Variants in LGR6 observed in about 807,000 individuals in gnomAD.
LGR6 encodes leucine-rich repeat-containing G protein-coupled receptor 6.
LGR6 carries 45 observed loss-of-function variants against 69.4 expected under a neutral mutation model. The ratio of observed to expected loss-of-function variants is 0.65; its 90% CI spans 0.51 to 0.83. The LOEUF is 0.83. LGR6 is among the 40% of genes least tolerant of loss of function. The pLI is 0.00. For synonymous variants in LGR6, 538 were observed against 555.0 expected, an observed-to-expected ratio of 0.97 and a Z score of 0.43; for missense variants, 1,108 against 1,246.7, an observed-to-expected ratio of 0.89 and a Z score of 1.68.
intron 1 of LGR6, chr1:202,203,894 C>G (rs757767364): frequency 2.3e-5 from 36 of 1,579,780 alleles, no homozygotes; most frequent in Non-Finnish European, 3.0e-5. Flanking sequence ...TTGCATGAAG[C>G]AAGATCCTCC....
At chr1:202,254,890 CTG>C (rs1558039688) in intron 4 of LGR6, among the ~76,000 whole-genome samples, 1 of 125,088 alleles carries the variant, frequency 8.0e-6, no homozygotes, top group Non-Finnish European at 1.7e-5. Context: ...AGTTGAGACT[CTG>C]TCTCTACAAA....
intron 1 of LGR6, 42 bp from the exon 2 acceptor site, chr1:202,225,380 AG>A (rs149459287): frequency 0.1 from 162,192 of 1,578,664 alleles, 12,963 homozygotes; most frequent in East Asian, 0.37. Flanking sequence ...AGATGGCCCA[AG>A]TGGGGAGTTC....
Position 202,284,092 on chromosome 1 carries a change from C to T in LGR6, c.716+3240C>T, listed in dbSNP as rs372734652. On this transcript the variant is annotated intron_variant, in intron 6 of 17. Coordinates refer to ENST00000367278, the MANE Select transcript of LGR6 (RefSeq NM_001017403.2). The stretch of plus-strand genomic sequence containing the variant: ...TTCAGGGGATGGGCACTGTTAAGAC[C>T]TCTCTTGTTTAGCAGAACAAATCGT... Among the ~76,000 whole-genome samples, 24 of 152,260 alleles carry T rather than the reference C, an allele frequency of 1.6e-4. No individual in the cohort carries two copies. In the East Asian group the frequency reaches 3.1e-3, roughly 20 times the overall value.
chr1:202,296,196 GT>G (rs1471501202), intron 6 of LGR6, among the ~76,000 whole-genome samples: 2 of 152,068 alleles, frequency 1.3e-5, no homozygotes, highest in African/African-American at 2.4e-5. Context: ...GTGGGCTGGG[GT>G]CATCCTGGGA....
chr1:202,309,722 C>G (rs539968484), intron 15 of LGR6, among the ~76,000 whole-genome samples: 2 of 152,362 alleles, frequency 1.3e-5, no homozygotes, highest in Admixed American at 6.5e-5. Flanking sequence ...GGCACCAAAT[C>G]CAGCTCCAAT....
At chr1:202,287,044 G>T (rs75423233) in intron 6 of LGR6, among the ~76,000 whole-genome samples, 5 of 152,140 alleles carry the variant, frequency 3.3e-5, no homozygotes, top group African/African-American at 9.7e-5. Flanking sequence ...AGAGGTTAAG[G>T]GGGGTGGGAA....
At chr1:202,240,946 T>G (rs1353117058) in intron 4 of LGR6, among the ~76,000 whole-genome samples, 4 of 152,176 alleles carry the variant, frequency 2.6e-5, no homozygotes, top group Non-Finnish European at 5.9e-5. Flanking sequence ...GTCTGATTAT[T>G]CCTCACAGAA....
At chr1:202,218,871 A>G (rs1659959182) in intron 1 of LGR6, among the ~76,000 whole-genome samples, 1 of 152,130 alleles carries the variant, frequency 6.6e-6, no homozygotes, top group Non-Finnish European at 1.5e-5. Flanking sequence ...CGGAGTACAT[A>G]TATGGAGGTT....
chr1:202,248,330 A>C (rs1379062901), intron 4 of LGR6, among the ~76,000 whole-genome samples: 1 of 152,214 alleles, frequency 6.6e-6, no homozygotes, highest in Non-Finnish European at 1.5e-5. Flanking sequence ...AGCTAGCTGG[A>C]ACCCAGACCA....
chr1:202,260,158 C>T (rs1024352876), intron 4 of LGR6, among the ~76,000 whole-genome samples: 1 of 152,172 alleles, frequency 6.6e-6, no homozygotes, highest in Non-Finnish European at 1.5e-5. Context: ...CCTGCCTCAG[C>T]CTCCCGAGTA....
chr1:202,237,784 G>C (rs1661706654), intron 4 of LGR6, among the ~76,000 whole-genome samples: 1 of 152,148 alleles, frequency 6.6e-6, no homozygotes, highest in Non-Finnish European at 1.5e-5. Context: ...AGAAGATTTT[G>C]CTTTTTGCAA....
intron 9 of LGR6, among the ~76,000 whole-genome samples, chr1:202,302,843 G>A (rs1017032738): frequency 7.2e-5 from 11 of 152,098 alleles, no homozygotes; most frequent in Admixed American, 1.3e-4. Context: ...CACCACACCC[G>A]GCTGAGAACT....
chr1:202,300,561 A>G (rs1346707518), intron 7 of LGR6, among the ~76,000 whole-genome samples: 1 of 151,960 alleles, frequency 6.6e-6, no homozygotes, highest in Non-Finnish European at 1.5e-5. Flanking sequence ...AGGCTGAGGC[A>G]GGAGAATCGC....
chr1:202,220,546 G>T (rs1660080791), intron 1 of LGR6, among the ~76,000 whole-genome samples: 1 of 152,226 alleles, frequency 6.6e-6, no homozygotes, highest in Admixed American at 6.5e-5. Flanking sequence ...GAGGTAGCTA[G>T]TGTCATTATT....
chr1:202,227,043 G>T (rs1660608377), intron 2 of LGR6, among the ~76,000 whole-genome samples: 1 of 152,180 alleles, frequency 6.6e-6, no homozygotes, highest in African/African-American at 2.4e-5. Flanking sequence ...TCCACCTAAA[G>T]GACCTTTCCA....
intron 1 of LGR6, among the ~76,000 whole-genome samples, chr1:202,224,629 G>A (rs1487756523): frequency 6.6e-6 from 1 of 152,206 alleles, no homozygotes; most frequent in Non-Finnish European, 1.5e-5. Context: ...AGTCTCATAA[G>A]GAGCATGCAA....
rs374892271 is a variant in LGR6, at chr1:202,207,283, A to T, written c.212+13082A>T. ...GGCTAGGGCAGGAGGGGATGAGAGG[A>T]AGGGGTCTCCCTCTCAGGGATGCCA... On this transcript the variant is annotated intron_variant, in intron 1 of 17. Transcript: ENST00000367278. Among the ~76,000 whole-genome samples, 5 of 152,154 alleles carry T rather than the reference A, an allele frequency of 3.3e-5. No homozygotes were observed. The South Asian group carries it at 1.0e-3, about 32-fold the overall frequency.
At chr1:202,273,177 C>T (rs1313568283) in intron 4 of LGR6, among the ~76,000 whole-genome samples, 1 of 152,154 alleles carries the variant, frequency 6.6e-6, no homozygotes, top group Non-Finnish European at 1.5e-5. Flanking sequence ...ATACAGGACA[C>T]GGTACCTGGT....
At chr1:202,310,910 C>T (rs1369877066) in intron 16 of LGR6, among the ~76,000 whole-genome samples, 3 of 152,022 alleles carry the variant, frequency 2.0e-5, no homozygotes, top group African/African-American at 7.3e-5. Context: ...CTTCCGTGGC[C>T]GCCAGGTGCA....
Sources: allele counts gnomAD v4.1 joint callset (sites outside exome capture counted in the v4.1 genomes callset), GRCh38; gene constraint gnomAD v4.1.1; transcripts MANE v1.5; gene names NCBI Gene and HGNC (gene_info 2026-07-23, HGNC 2026-07-21).